COL18A1: variants seen among roughly 807,000 people sequenced by gnomAD.
COL18A1 encodes collagen alpha-1(XVIII) chain.
COL18A1 carries 133 observed loss-of-function variants against 168.0 expected under a neutral mutation model. That is an observed-to-expected ratio of 0.79 (90% CI 0.69 to 0.91). The LOEUF is 0.91. COL18A1 is among the 40% of genes least tolerant of loss of function. The pLI is 0.00. For missense variants in COL18A1, 2,126 were observed against 1,925.4 expected, an observed-to-expected ratio of 1.10 and a Z score of -1.95; for synonymous variants, 949 against 809.0, an observed-to-expected ratio of 1.17 and a Z score of -2.94.
intron 24 of COL18A1, among the ~76,000 whole-genome samples, 186 bp from the exon 25 acceptor site, chr21:45,492,970 CCGGGAGG>C (rs2036405822): frequency 6.6e-6 from 1 of 152,042 alleles, no homozygotes; most frequent in African/African-American, 2.4e-5. Flanking sequence ...GAGGCTGGGG[CCGGGAGG>C]TGTCCTGGTG....
intron 2 of COL18A1, among the ~76,000 whole-genome samples, chr21:45,428,144 G>A (rs1035407012): frequency 7.2e-5 from 11 of 152,216 alleles, no homozygotes; most frequent in Admixed American, 1.3e-4. Context: ...TGCTGTGCAG[G>A]TTGGGGTCCG....
intron 2 of COL18A1, among the ~76,000 whole-genome samples, chr21:45,437,366 A>ACT (rs2034162768): frequency 8.7e-6 from 1 of 114,914 alleles, no homozygotes. Flanking sequence ...GCGCACACAC[A>ACT]CACACTCAGA....
Position 45,457,960 on chromosome 21 carries a change from C to T in COL18A1, c.107-10282C>T, listed in dbSNP as rs527404477. Among the ~76,000 whole-genome samples, 2 of 152,114 alleles carry T rather than the reference C, an allele frequency of 1.3e-5. No homozygotes were observed. Among genetic ancestry groups the T allele is most frequent in the African/African-American group, 2.4e-5 (1 of 41,416 alleles). On this transcript the variant is annotated intron_variant, in intron 2 of 41. Transcript: ENST00000651438. The surrounding 1 kb of genome is among the most constrained non-coding windows in gnomAD (Gnocchi z 4.6). ...TCCCCTTGAGTTTCAGGCCAGTGAC[C>T]GTTTCTCTCAGCAAAGCCCAGAGCC...
intron 2 of COL18A1, chr21:45,455,611 C>G (rs753936486): frequency 6.2e-7 from 1 of 1,613,874 alleles, no homozygotes; most frequent in Non-Finnish European, 8.5e-7. Context: ...ACCTGCTGAA[C>G]CTGAACTGGC....
Position 45,470,085 on chromosome 21 carries a change from A to G in COL18A1, c.651+1299A>G, listed in dbSNP as rs73909577. Among the ~76,000 whole-genome samples, 653 of 152,370 alleles carry G rather than the reference A, an allele frequency of 4.3e-3. 6 individuals carry two copies. The highest frequency in any genetic ancestry group is 0.015 in the African/African-American group (629 of 41,586). ...AGCGGCTGAGTGCCGAGAGCTCGGT[A>G]CGTGGGTGCACAGCTGTGCCCCGAT... On this transcript the variant is annotated intron_variant, in intron 3 of 41. Coordinates refer to ENST00000651438, the MANE Select transcript of COL18A1 (RefSeq NM_001379500.1).
intron 2 of COL18A1, chr21:45,456,897 C>T (rs745593103): frequency 2.7e-5 from 39 of 1,422,826 alleles, no homozygotes; most frequent in East Asian, 2.7e-5. Context: ...TGGCCGGCCC[C>T]GATCTCCCCA....
chr21:45,442,282 C>T (rs2034390730), intron 2 of COL18A1, among the ~76,000 whole-genome samples: 2 of 152,250 alleles, frequency 1.3e-5, no homozygotes, highest in Non-Finnish European at 2.9e-5. Flanking sequence ...CCTTTAAATC[C>T]CACCTGTGAG....
At chr21:45,422,420 G>A (rs773148513) in intron 2 of COL18A1, 11 of 524,084 alleles carry the variant, frequency 2.1e-5, no homozygotes, top group African/African-American at 5.8e-5. Context: ...ACCTCTTCCT[G>A]CAGCTTTTGA....
intron 2 of COL18A1, among the ~76,000 whole-genome samples, chr21:45,453,395 A>G (rs1403537260): frequency 6.6e-6 from 1 of 152,176 alleles, no homozygotes; most frequent in Non-Finnish European, 1.5e-5. Context: ...ATATGTGTGC[A>G]TATGTGGGTG....
In COL18A1 at chr21:45,479,842, T is replaced by C. The variant is rs887371374; in HGVS notation, c.1249-60T>C. 207 of 1,608,312 alleles carry C rather than the reference T, an allele frequency of 1.3e-4. 1 individual carries two copies. Among genetic ancestry groups the C allele is most frequent in the Admixed American group, 3.0e-4 (18 of 59,644 alleles). On this transcript the variant is annotated intron_variant, in intron 9 of 41. Transcript: ENST00000651438. ...CTGCTTGGGGGAGGAGCACTGAGAG[T>C]GCTGGGTGCGGCCCATGGTGGTGCC... is the stretch of plus-strand genomic sequence containing the variant.
rs754036577 is a variant in COL18A1, at chr21:45,512,223, A to G, written c.3845A>G (p.Asn1282Ser). The change falls in exon 42 of 42, where the codon AAC becomes AGC. Residue 1282 changes from asparagine (N) to serine (S), a missense_variant. By Grantham distance (46) the Asn-to-Ser change is conservative. Transcript: ENST00000651438. ...QKSVWHGSDP[N>S]GRRLTESYCE... Reference sequence around the variant, plus strand: ...AGCGTGTGGCATGGCTCGGACCCCAACGGGCGCAGGCTGACCGAGAGCTAC... The same window carrying G: ...AGCGTGTGGCATGGCTCGGACCCCAGCGGGCGCAGGCTGACCGAGAGCTAC... The G allele has an allele frequency of 5.0e-6, 8 of 1,612,338 alleles. No individual in the cohort carries two copies. Among genetic ancestry groups the G allele is most frequent in the Middle Eastern group, 1.6e-4 (1 of 6,082 alleles).
chr21:45,508,227 T>TAGTGGGTA (rs536165171), intron 38 of COL18A1, among the ~76,000 whole-genome samples: 22 of 130,970 alleles, frequency 1.7e-4, no homozygotes, highest in African/African-American at 6.5e-4. Context: ...GGTGGGTGGA[T>TAGTGGGTA]AGTGGGTAAG....
At chr21:45,477,997 G>A (rs1350167191) in intron 8 of COL18A1, 32 bp downstream of exon 8, 15 of 1,167,756 alleles carry the variant, frequency 1.3e-5, no homozygotes, top group Admixed American at 1.2e-4. Context: ...AGTCCGGCCC[G>A]GTCTGGAGGG....
intron 2 of COL18A1, among the ~76,000 whole-genome samples, chr21:45,413,519 GCTTT>G (rs2033358973): frequency 6.6e-6 from 1 of 152,278 alleles, no homozygotes; most frequent in Non-Finnish European, 1.5e-5. Flanking sequence ...CCAGCGAGGA[GCTTT>G]CTTGTGAAGA....
At chr21:45,496,108 A>G (rs553786881) in intron 29 of COL18A1, 2 of 390,112 alleles carry the variant, frequency 5.1e-6, no homozygotes, top group South Asian at 2.0e-5. Context: ...CATGCCCTCC[A>G]TGCCCTCCAA....
intron 13 of COL18A1, 52 bp from the exon 14 acceptor site, chr21:45,481,911 C>T (rs903088280): frequency 1.5e-5 from 19 of 1,306,144 alleles, no homozygotes; most frequent in Non-Finnish European, 1.8e-5. Flanking sequence ...ACCCAGAAAT[C>T]GTTTTAGTGG....
At chr21:45,475,990 C>G (rs1051333512) in intron 5 of COL18A1, among the ~76,000 whole-genome samples, 1 of 152,194 alleles carries the variant, frequency 6.6e-6, no homozygotes, top group African/African-American at 2.4e-5. Context: ...TGGGGAGGCC[C>G]CAGCCGCGGG....
At chr21:45,482,054 T>A (rs756464476) in intron 14 of COL18A1, 29 bp downstream of exon 14, 1 of 1,589,086 alleles carries the variant, frequency 6.3e-7, no homozygotes, top group East Asian at 2.2e-5. Context: ...CCAGGGTGAG[T>A]GGGAACCAGC....
chr21:45,504,138 C>A, intron 33 of COL18A1, 84 bp downstream of exon 33: 2 of 1,476,618 alleles, frequency 1.4e-6, no homozygotes, highest in African/African-American at 1.4e-5. Flanking sequence ...TCGCCCCATC[C>A]GGCCCAAGCC....
Sources: allele counts gnomAD v4.1 joint callset (sites outside exome capture counted in the v4.1 genomes callset), GRCh38; gene constraint gnomAD v4.1.1; non-coding constraint Gnocchi (gnomAD v3.1); transcripts MANE v1.5; gene names NCBI Gene and HGNC (gene_info 2026-07-23, HGNC 2026-07-21).